MMP16: variants seen among roughly 807,000 people sequenced by gnomAD.
MMP16 encodes matrix metallopeptidase 16.
In MMP16, 12 loss-of-function variants were observed where a neutral mutation model predicts 67.8. That is an observed-to-expected ratio of 0.18 (90% CI 0.11 to 0.29). The LOEUF is 0.29. MMP16 is among the 10% of genes least tolerant of loss of function. MMP16 has a pLI of 1.00. For synonymous variants in MMP16, 249 were observed against 255.9 expected, an observed-to-expected ratio of 0.97 and a Z score of 0.26; for missense variants, 475 against 765.7, an observed-to-expected ratio of 0.62 and a Z score of 4.48.
At chr8:88,301,580 T>G (rs1811099574) in intron 1 of MMP16, among the ~76,000 whole-genome samples, 1 of 152,204 alleles carries the variant, frequency 6.6e-6, no homozygotes, top group Non-Finnish European at 1.5e-5. Context: ...TACAGATATA[T>G]GCAGGAATAT....
Position 88,038,335 on chromosome 8 carries a change from T to C in MMP16, c.*3126A>G, listed in dbSNP as rs1360016763. 3 of 152,322 alleles carry C rather than the reference T, an allele frequency of 2.0e-5. No individual in the cohort carries two copies. Among genetic ancestry groups the C allele is most frequent in the Non-Finnish European group, 2.9e-5 (2 of 67,948 alleles). The allele number at this position is 152,322 out of a possible 1,614,324, so 9.4% of individuals were successfully genotyped here. On this transcript the variant is annotated 3_prime_UTR_variant, in exon 10 of 10. Coordinates refer to ENST00000286614, the MANE Select transcript of MMP16 (RefSeq NM_005941.5). The surrounding 1 kb of genome is among the most constrained non-coding windows in gnomAD (Gnocchi z 4.1). ...AAATCTTGTCTCATATTAAAGTAAA[T>C]ATGACCCAACCCTTATTCATGACAT...
intron 1 of MMP16, among the ~76,000 whole-genome samples, chr8:88,223,856 A>G (rs1809726104): frequency 1.3e-5 from 2 of 152,032 alleles, no homozygotes; most frequent in African/African-American, 4.8e-5. Context: ...TAAAAAAAGA[A>G]AATATTTTAC....
intron 8 of MMP16, among the ~76,000 whole-genome samples, chr8:88,049,215 T>C (rs1808238982): frequency 6.6e-6 from 1 of 152,220 alleles, no homozygotes; most frequent in South Asian, 2.1e-4. Flanking sequence ...ACTGCATCTT[T>C]CTGAAGAGGA....
chr8:88,227,420 C>T (rs1397809350), intron 1 of MMP16, among the ~76,000 whole-genome samples: 1 of 151,930 alleles, frequency 6.6e-6, no homozygotes, highest in Non-Finnish European at 1.5e-5. Context: ...TTTAAAACTC[C>T]CACATCTAAA....
chr8:88,187,087 G>C (rs1231882393), intron 2 of MMP16, among the ~76,000 whole-genome samples: 1 of 152,246 alleles, frequency 6.6e-6, no homozygotes, highest in East Asian at 1.9e-4. Context: ...GCAGTCAACT[G>C]TTTGTTCAAA....
chr8:88,174,485 A>G (rs1368327141), intron 3 of MMP16, among the ~76,000 whole-genome samples: 2 of 152,192 alleles, frequency 1.3e-5, no homozygotes, highest in Non-Finnish European at 2.9e-5. Flanking sequence ...CAACTTTCCA[A>G]CCATTACATA....
At chr8:88,180,900 A>C (rs1331142416) in intron 3 of MMP16, among the ~76,000 whole-genome samples, 1 of 152,178 alleles carries the variant, frequency 6.6e-6, no homozygotes, top group Non-Finnish European at 1.5e-5. Context: ...AAATCTATTA[A>C]TGTAATATTT....
At chr8:88,079,694 TA>T (rs1808714541) in intron 6 of MMP16, among the ~76,000 whole-genome samples, 1 of 152,186 alleles carries the variant, frequency 6.6e-6, no homozygotes, top group African/African-American at 2.4e-5. Flanking sequence ...GTTGAAATCC[TA>T]AGCCCCAAAG....
At chr8:88,228,434 T>C (rs1809804802) in intron 1 of MMP16, among the ~76,000 whole-genome samples, 1 of 152,046 alleles carries the variant, frequency 6.6e-6, no homozygotes, top group African/African-American at 2.4e-5. Context: ...TAAACTCTAA[T>C]GACAAGGTAA....
intron 1 of MMP16, among the ~76,000 whole-genome samples, chr8:88,252,852 C>T (rs926162999): frequency 6.6e-5 from 10 of 151,934 alleles, no homozygotes; most frequent in African/African-American, 1.9e-4. Context: ...ACATTTAATA[C>T]GTAAAAGAAT....
intron 1 of MMP16, among the ~76,000 whole-genome samples, chr8:88,274,394 T>G: frequency 6.6e-6 from 1 of 152,108 alleles, no homozygotes; most frequent in East Asian, 1.9e-4. Flanking sequence ...CTCTGATTAC[T>G]TTTCCAATAT....
chr8:88,213,192 T>G (rs1381156570), intron 1 of MMP16, among the ~76,000 whole-genome samples: 1 of 152,124 alleles, frequency 6.6e-6, no homozygotes, highest in East Asian at 1.9e-4. Context: ...CTGGACTACT[T>G]ATTCAATAAA....
chr8:88,244,380 C>T (rs903775140), intron 1 of MMP16, among the ~76,000 whole-genome samples: 1 of 152,062 alleles, frequency 6.6e-6, no homozygotes, highest in Non-Finnish European at 1.5e-5. Flanking sequence ...AATGTAAAAG[C>T]CATATCGAAC....
chr8:88,305,584 A>C (rs1811199676), intron 1 of MMP16, among the ~76,000 whole-genome samples: 2 of 152,148 alleles, frequency 1.3e-5, no homozygotes, highest in African/African-American at 4.8e-5. Flanking sequence ...AAGTCACAAC[A>C]GTCTGTCAGA....
chr8:88,252,965 G>A (rs1379686835), intron 1 of MMP16, among the ~76,000 whole-genome samples: 1 of 151,982 alleles, frequency 6.6e-6, no homozygotes, highest in East Asian at 1.9e-4. Flanking sequence ...CAATTCTCTG[G>A]GAACTAGTTC....
chr8:88,132,197 T>A (rs927402982), intron 4 of MMP16, among the ~76,000 whole-genome samples: 1 of 151,846 alleles, frequency 6.6e-6, no homozygotes, highest in African/African-American at 2.4e-5. Context: ...AAAATAAAGA[T>A]TGTGTATATA....
chr8:88,307,075 A>G (rs1811221650), intron 1 of MMP16, among the ~76,000 whole-genome samples: 1 of 152,234 alleles, frequency 6.6e-6, no homozygotes, highest in Admixed American at 6.5e-5. Flanking sequence ...CAACTTCAGC[A>G]AAGTCTCAGA....
intron 1 of MMP16, among the ~76,000 whole-genome samples, chr8:88,273,632 G>A (rs1810600619): frequency 6.6e-6 from 1 of 152,046 alleles, no homozygotes; most frequent in Non-Finnish European, 1.5e-5. Flanking sequence ...TTGTTACAAT[G>A]TTTTACAAAT....
At chr8:88,205,785 C>T (rs1809416260) in intron 1 of MMP16, among the ~76,000 whole-genome samples, 2 of 152,238 alleles carry the variant, frequency 1.3e-5, no homozygotes, top group East Asian at 1.9e-4. Context: ...AATCTATGCA[C>T]CTATGACACA....
Sources: allele counts gnomAD v4.1 joint callset (sites outside exome capture counted in the v4.1 genomes callset), GRCh38; gene constraint gnomAD v4.1.1; non-coding constraint Gnocchi (gnomAD v3.1); transcripts MANE v1.5; gene names NCBI Gene and HGNC (gene_info 2026-07-23, HGNC 2026-07-21).